AMELX: variants seen among roughly 807,000 people sequenced by gnomAD.
The protein encoded by AMELX is amelogenin X-linked.
AMELX carries 9 observed loss-of-function variants against 15.8 expected under a neutral mutation model. That is an observed-to-expected ratio of 0.57 (90% confidence interval 0.34 to 0.99). The LOEUF (loss-of-function observed/expected upper bound fraction) is 0.99, where lower values mean the gene tolerates loss of function less well. Among genes scored for constraint, AMELX ranks in the 50% least tolerant of loss-of-function variants. The pLI, the probability that AMELX is intolerant of heterozygous loss-of-function variation, is 0.02. For synonymous variants in AMELX, 61 were observed against 58.8 expected (o/e 1.04, Z -0.17); for missense variants, 107 against 156.2 (o/e 0.68, Z 1.68).
chrX:11,303,321 T>C (rs1160565721), downstream of AMELX, among the ~76,000 whole-genome samples: 5 of 112,446 alleles, frequency 4.4e-5, no homozygotes, highest in Non-Finnish European at 7.5e-5. Flanking sequence ...AAAAAATACC[T>C]CCCTGTTGGG....
chrX:11,296,438 C>T (rs1322707509), intron 2 of AMELX, among the ~76,000 whole-genome samples: 1 of 111,394 alleles, frequency 9.0e-6, no homozygotes, highest in East Asian at 2.8e-4. Flanking sequence ...ATTGAAAACA[C>T]TGGGCGTGGG....
downstream of AMELX, among the ~76,000 whole-genome samples, chrX:11,303,440 G>C (rs1312391505): frequency 8.9e-6 from 1 of 111,900 alleles, no homozygotes; most frequent in African/African-American, 3.3e-5. Context: ...AGAGAAGAAA[G>C]GAGTGGTCAT....
At chrX:11,306,716 T>A in the AMELX span, among the ~76,000 whole-genome samples, 1 of 112,406 alleles carries the variant, frequency 8.9e-6, no homozygotes, top group Non-Finnish European at 1.9e-5. Context: ...AATTAAACAA[T>A]CTATAGCTAT....
At chrX:11,304,088 A>T (rs2048205547), downstream of AMELX, among the ~76,000 whole-genome samples, 1 of 109,055 alleles carries the variant, frequency 9.2e-6, no homozygotes, top group Non-Finnish European at 1.9e-5. Flanking sequence ...GAAGTACATC[A>T]CGTTTGTCTT....
intron 2 of AMELX, among the ~76,000 whole-genome samples, chrX:11,295,904 G>A (rs745573251): frequency 3.6e-5 from 4 of 111,691 alleles, no homozygotes; most frequent in African/African-American, 9.8e-5. Context: ...CTGCATGACC[G>A]TCTCTCCTCC....
At position 11,298,289 on chromosome X, in the gene AMELX, T is replaced by C; in HGVS notation, c.144+12T>C. 2 of 1,207,859 alleles carry C rather than the reference T, an allele frequency of 1.7e-6. No homozygotes were observed. The highest frequency in any genetic ancestry group is 1.1e-6 in the Non-Finnish European group (1 of 891,859). Reference sequence around the variant, plus strand: ...GCATAAGGCCACCGGTATGTAGACATTTTGTTCCTTATTCCCTGAAAATAT... The same window carrying C: ...GCATAAGGCCACCGGTATGTAGACACTTTGTTCCTTATTCCCTGAAAATAT... On this transcript the variant is annotated intron_variant, in intron 4 of 5. Coordinates refer to ENST00000380714, the MANE Select transcript of AMELX (RefSeq NM_001142.2).
chrX:11,297,970 TA>T, intron 3 of AMELX: 1 of 662,234 alleles, frequency 1.5e-6, no homozygotes, highest in Non-Finnish European at 2.5e-6. Context: ...TAACCTTATC[TA>T]AAAAGTGAGA....
At chrX:11,296,734 C>T in intron 2 of AMELX, 45 bp from the exon 3 acceptor site, 1 of 1,148,688 alleles carries the variant, frequency 8.7e-7, no homozygotes, top group Non-Finnish European at 1.2e-6. Flanking sequence ...TTCACTCTCT[C>T]CCTTCCTCTC....
the AMELX span, among the ~76,000 whole-genome samples, chrX:11,308,063 T>A: frequency 4.4e-5 from 5 of 112,419 alleles, no homozygotes; most frequent in East Asian, 1.4e-3. Flanking sequence ...GTGCACATGA[T>A]AGAGAGAGGA....
the AMELX span, among the ~76,000 whole-genome samples, chrX:11,306,350 T>G: frequency 8.9e-6 from 1 of 112,900 alleles, no homozygotes; most frequent in South Asian, 3.6e-4. Flanking sequence ...TCAAGCTCCT[T>G]GAGGCAGATT....
chrX:11,298,219 T>C lies in AMELX; in HGVS notation c.103-17T>C, dbSNP rs764237259. ...GTAAATTAAATCAAATGGGTTCTAA[T>C]ATCTTTTTCTCTTAAGGTGCTTACC... On this transcript the variant is annotated splice_polypyrimidine_tract_variant and intron_variant, in intron 3 of 5. Transcript: ENST00000380714. 2 of 1,211,115 alleles carry C rather than the reference T, an allele frequency of 1.7e-6. No homozygotes were observed. Among genetic ancestry groups the C allele is most frequent in the East Asian group, 3.0e-5 (1 of 33,831 alleles).
At chrX:11,295,637 C>T (rs1461013830) in intron 2 of AMELX, among the ~76,000 whole-genome samples, 1 of 110,770 alleles carries the variant, frequency 9.0e-6, no homozygotes, top group Non-Finnish European at 1.9e-5. Context: ...CCTCTCTCAC[C>T]CACAAAACCA....
At chrX:11,301,773 G>A (rs2147581634), downstream of AMELX, among the ~76,000 whole-genome samples, 1 of 111,894 alleles carries the variant, frequency 8.9e-6, no homozygotes, top group East Asian at 2.8e-4. Flanking sequence ...CCATCCTTAA[G>A]GAATCTAGAA....
chrX:11,308,100 C>T, the AMELX span, among the ~76,000 whole-genome samples: 44 of 112,034 alleles, frequency 3.9e-4, no homozygotes, highest in Non-Finnish European at 7.3e-4. Flanking sequence ...ATTGATGTGG[C>T]CTGATCATAT....
At chrX:11,297,531 T>C (rs1353363050) in intron 3 of AMELX, among the ~76,000 whole-genome samples, 1 of 112,471 alleles carries the variant, frequency 8.9e-6, no homozygotes, top group African/African-American at 3.2e-5. Flanking sequence ...TTATTTTTTG[T>C]ATCGATTAAA....
chrX:11,301,700 A>G (rs2048176970), downstream of AMELX, among the ~76,000 whole-genome samples: 1 of 112,271 alleles, frequency 8.9e-6, no homozygotes, highest in Non-Finnish European at 1.9e-5. Context: ...AATTGAGTCA[A>G]TATTTATTAA....
In AMELX at chrX:11,298,586, G is replaced by A; in HGVS notation, c.183G>A (p.Leu61=). 8.3e-7 allele frequency: 1 copy of A among 1,211,147 alleles called. No homozygotes were observed. The highest frequency in any genetic ancestry group is 1.7e-5 in the African/African-American group (1 of 57,536). ...GTTACGAGCCCATGGGTGGATGGCT[G>A]CACCACCAAATCATCCCCGTGCTGT... ...SYGYEPMGGW[L]HHQIIPVLSQ... is the part of the protein sequence containing the mutation. Residue 61 remains leucine, a synonymous_variant, in exon 5 of 6, where the codon CTG becomes CTA. Coordinates refer to ENST00000380714, the MANE Select transcript of AMELX (RefSeq NM_001142.2).
At chrX:11,295,073 T>A (rs2048060049) in intron 2 of AMELX, among the ~76,000 whole-genome samples, 1 of 112,096 alleles carries the variant, frequency 8.9e-6, no homozygotes, top group South Asian at 3.7e-4. Context: ...GGACTCTGCA[T>A]TTTTATAAGC....
intron 2 of AMELX, 50 bp downstream of exon 2, chrX:11,294,892 G>A: frequency 8.5e-7 from 1 of 1,178,776 alleles, no homozygotes; most frequent in Non-Finnish European, 1.2e-6. Context: ...CACAAACTTG[G>A]ACATAAAAAT....
Sources: allele counts gnomAD v4.1 joint callset (sites outside exome capture counted in the v4.1 genomes callset), GRCh38; gene constraint gnomAD v4.1.1; transcripts MANE v1.5; gene names NCBI Gene and HGNC (gene_info 2026-07-23, HGNC 2026-07-21).